IP6K2: variants seen among roughly 807,000 people sequenced by gnomAD.
The protein encoded by IP6K2 is inositol hexakisphosphate kinase 2.
In IP6K2, 9 loss-of-function variants were observed where a neutral mutation model predicts 43.3. The ratio of observed to expected loss-of-function variants is 0.21; its 90% CI spans 0.13 to 0.36. The LOEUF (loss-of-function observed/expected upper bound fraction) is 0.36. Ranked by LOEUF, IP6K2 falls within the 10% of genes least tolerant of loss-of-function variation. IP6K2 has a pLI of 1.00. For synonymous variants in IP6K2, 209 were observed against 202.4 expected, an observed-to-expected ratio of 1.03 and a Z score of -0.28; for missense variants, 332 against 538.4, an observed-to-expected ratio of 0.62 and a Z score of 3.79.
chr3:48,697,372 C>T (rs919040519), intron 1 of IP6K2, among the ~76,000 whole-genome samples: 1 of 150,686 alleles, frequency 6.6e-6, no homozygotes, highest in East Asian at 1.9e-4. Context: ...CTTGCTCTGT[C>T]GCCCAGGCTG....
intron 1 of IP6K2, among the ~76,000 whole-genome samples, chr3:48,713,365 T>C (rs889387902): frequency 2.0e-5 from 3 of 152,166 alleles, no homozygotes; most frequent in East Asian, 1.9e-4. Context: ...GGTAGGGTTT[T>C]AAGGTAGAGT....
rs2078231278 is a variant in IP6K2, at chr3:48,695,504, GAAAGAC to G, written c.-130-89_-130-84del. 1.6e-5 allele frequency: 21 copies of G among 1,305,074 alleles called. No homozygotes were observed. Among genetic ancestry groups the G allele is most frequent in the Non-Finnish European group, 1.9e-5 (19 of 1,025,270 alleles). 80.8% of individuals were successfully genotyped at this position (1,305,074 alleles called of 1,614,324 possible). On this transcript the variant is annotated intron_variant, in intron 1 of 5. Transcript: ENST00000328631. This position sits in a 1 kb window ranked among gnomAD's most constrained non-coding sequence, Gnocchi z 4.6. Reference sequence around the variant, plus strand: ...AGCTGCTCACCCTGCTCCTTCAGCAGAAAGACAAAGACAAACAGTCTGAGTTCTTGC... The same window carrying G: ...AGCTGCTCACCCTGCTCCTTCAGCAGAAAGACAAACAGTCTGAGTTCTTGC...
At chr3:48,689,414 A>G in intron 5 of IP6K2, 124 bp downstream of exon 5, 1 of 989,580 alleles carries the variant, frequency 1.0e-6, no homozygotes, top group East Asian at 2.6e-5. Flanking sequence ...TGACCCCCAA[A>G]GTGCTGGGAT....
intron 2 of IP6K2, chr3:48,693,682 G>A: frequency 1.8e-6 from 2 of 1,081,996 alleles, no homozygotes; most frequent in Non-Finnish European, 2.2e-6. Flanking sequence ...AAAATAAAGG[G>A]GCAAACAAAA....
chr3:48,709,277 C>G (rs2080198203), intron 1 of IP6K2, among the ~76,000 whole-genome samples: 2 of 152,370 alleles, frequency 1.3e-5, no homozygotes, highest in Admixed American at 1.3e-4. Context: ...AGGCAAGCAC[C>G]TGAGTGCTGC....
At chr3:48,707,315 C>G (rs755900211) in intron 1 of IP6K2, among the ~76,000 whole-genome samples, 9 of 152,154 alleles carry the variant, frequency 5.9e-5, no homozygotes, top group Non-Finnish European at 1.2e-4. Flanking sequence ...TCCGGCCCAC[C>G]CTTCGTACTC....
At chr3:48,710,613 T>C (rs1401485381) in intron 1 of IP6K2, among the ~76,000 whole-genome samples, 3 of 152,060 alleles carry the variant, frequency 2.0e-5, no homozygotes, top group Non-Finnish European at 4.4e-5. Context: ...TGTTCATTAG[T>C]TTAGTTTTTT....
intron 2 of IP6K2, chr3:48,694,010 T>G: frequency 7.2e-7 from 1 of 1,384,192 alleles, no homozygotes; most frequent in South Asian, 1.8e-5. Context: ...GCTGAACACC[T>G]TTCCTCCCAG....
intron 1 of IP6K2, among the ~76,000 whole-genome samples, chr3:48,697,600 C>T (rs1056481011): frequency 3.3e-5 from 5 of 151,472 alleles, no homozygotes; most frequent in African/African-American, 1.2e-4. Flanking sequence ...CCTGGCCTCC[C>T]AAAGTGCTGG....
intron 1 of IP6K2, among the ~76,000 whole-genome samples, chr3:48,714,782 A>G (rs2080998036): frequency 7.0e-6 from 1 of 143,722 alleles, no homozygotes; most frequent in Non-Finnish European, 1.5e-5. Context: ...CGGAAGGCGG[A>G]GCTTGCAGTG....
chr3:48,688,780 G>A lies in IP6K2; in HGVS notation c.781-7C>T, dbSNP rs770700361. 2.5e-5 allele frequency: 40 copies of A among 1,594,508 alleles called. No individual in the cohort carries two copies. The highest frequency in any genetic ancestry group is 1.7e-4 in the Middle Eastern group (1 of 5,964). On this transcript the variant is annotated splice_polypyrimidine_tract_variant and splice_region_variant and intron_variant, in intron 5 of 5. Transcript: ENST00000328631. The surrounding 1 kb of genome is among the most constrained non-coding windows in gnomAD (Gnocchi z 5.1). ...CACTGCCTGCTTGGTACACCTGTAGGAGAGAGACCAGCAAGTCAGGGGCTG... is the reference window on the plus strand; with the variant it reads ...CACTGCCTGCTTGGTACACCTGTAGAAGAGAGACCAGCAAGTCAGGGGCTG...
At chr3:48,714,641 T>G (rs377227747) in intron 1 of IP6K2, among the ~76,000 whole-genome samples, 1 of 152,164 alleles carries the variant, frequency 6.6e-6, no homozygotes, top group Admixed American at 6.5e-5. Context: ...TCCAACCGCC[T>G]TGGCCTCCCA....
At chr3:48,713,025 T>C (rs1016419675) in intron 1 of IP6K2, among the ~76,000 whole-genome samples, 5 of 151,786 alleles carry the variant, frequency 3.3e-5, no homozygotes, top group Non-Finnish European at 5.9e-5. Context: ...AAAACAACAA[T>C]AATAATAATA....
At chr3:48,694,015 TCC>T in intron 2 of IP6K2, 1 of 1,397,138 alleles carries the variant, frequency 7.2e-7, no homozygotes, top group South Asian at 1.7e-5. Flanking sequence ...ACACCTTTCC[TCC>T]CAGGCCTCTC....
Position 48,695,467 on chromosome 3 carries a change from G to A in IP6K2, c.-130-46C>T. ...GACATGGGGGTTCGAAGTAGCGTGG[G>A]AAGTGCCTTAGAGCTGCTCACCCTG... On this transcript the variant is annotated intron_variant, in intron 1 of 5. Coordinates refer to ENST00000328631, the MANE Select transcript of IP6K2 (RefSeq NM_016291.4). The surrounding 1 kb of genome is among the most constrained non-coding windows in gnomAD (Gnocchi z 4.6). 4 of 1,398,302 alleles carry A rather than the reference G, an allele frequency of 2.9e-6. No homozygotes were observed. The highest frequency in any genetic ancestry group is 3.3e-5 in the South Asian group (2 of 59,904). The allele number at this position is 1,398,302 out of a possible 1,614,324, so 86.6% of individuals were successfully genotyped here.
At position 48,693,022 on chromosome 3, in the gene IP6K2, A is replaced by G; in HGVS notation, c.360T>C (p.His120=). The change falls in exon 3 of 6, where the codon CAT becomes CAC. Residue 120 remains histidine, a synonymous_variant. Coordinates refer to ENST00000328631, the MANE Select transcript of IP6K2 (RefSeq NM_016291.4). Reference sequence around the variant, plus strand: ...TAGGGGTCTTTTCTGTTTCTAAGACATGATGTTTTTTGTTTGTTGTCCACC... The same window carrying G: ...TAGGGGTCTTTTCTGTTTCTAAGACGTGATGTTTTTTGTTTGTTGTCCACC... ...LLRWTTNKKH[H]VLETEKTPKD... The G allele has an allele frequency of 1.2e-6, 2 of 1,614,188 alleles. No homozygotes were observed. The highest frequency in any genetic ancestry group is 1.7e-4 in the Middle Eastern group (1 of 6,054).
At chr3:48,715,671 T>C (rs184602492) in intron 1 of IP6K2, 1 of 566,048 alleles carries the variant, frequency 1.8e-6, no homozygotes, top group African/African-American at 1.9e-5. Context: ...TTGTATTAAC[T>C]CTAGTCAGTG....
Position 48,697,488 on chromosome 3 carries a change from A to ATTT in IP6K2, c.-130-2070_-130-2068dup, listed in dbSNP as rs35746542. 1.4e-3 allele frequency among the ~76,000 whole-genome samples: 88 copies of ATTT among 64,322 alleles called. 3 individuals are homozygous for ATTT. The highest frequency in any genetic ancestry group is 2.0e-3 in the East Asian group (4 of 2,034). 42.2% of individuals were successfully genotyped at this position (64,322 alleles called of 152,430 possible). On this transcript the variant is annotated intron_variant, in intron 1 of 5. Transcript: ENST00000328631. ...CTACAGGCACCCACCATGCCTGGCT[A>ATTT]TTTTTTTTTTTTTTTTTTTTTTTTG...
chr3:48,698,632 G>A (rs939276401), intron 1 of IP6K2, among the ~76,000 whole-genome samples: 5 of 152,112 alleles, frequency 3.3e-5, no homozygotes. Context: ...CACCACGCCT[G>A]GCTAATTTTT....
Sources: gnomAD v4.1 joint callset for allele counts (sites outside exome capture counted in the v4.1 genomes callset) on GRCh38, gnomAD v4.1.1 for gene constraint, Gnocchi (gnomAD v3.1) non-coding constraint, MANE v1.5 for transcripts, NCBI Gene and HGNC (gene_info 2026-07-23, HGNC 2026-07-21) for gene names.